The following AATF variants were observed in gnomAD, a reference collection of about 807,000 sequenced individuals.
AATF encodes the protein protein AATF.
AATF carries 48 observed loss-of-function variants against 63.7 expected under a neutral mutation model. The ratio of observed to expected loss-of-function variants is 0.75; its 90% CI spans 0.60 to 0.96. AATF has a LOEUF of 0.96. Among genes scored for constraint, AATF ranks in the 40% least tolerant of loss-of-function variants. The pLI is 0.00. For synonymous variants in AATF, 258 were observed against 247.7 expected, an observed-to-expected ratio of 1.04 and a Z score of -0.39; for missense variants, 639 against 685.7, an observed-to-expected ratio of 0.93 and a Z score of 0.76.
Position 36,953,055 on chromosome 17 carries a change from C to A in AATF, c.453C>A (p.Val151=). 6.2e-7 allele frequency: 1 copy of A among 1,614,016 alleles called. No homozygotes were observed. The highest frequency in any genetic ancestry group is 2.2e-5 in the East Asian group (1 of 44,878). ...CTGCAAAAACACCGGGCTTCAGTGTCCAGAGTATCAGTGACTTTGAGAAAT... is the reference window on the plus strand; with the variant it reads ...CTGCAAAAACACCGGGCTTCAGTGTACAGAGTATCAGTGACTTTGAGAAAT... The part of the protein sequence containing the change: ...SHSAKTPGFS[V]QSISDFEKFT... The change falls in exon 3 of 12, where the codon GTC becomes GTA. Residue 151 remains valine, a synonymous_variant. Transcript: ENST00000619387.
chr17:37,039,291 G>A (rs764635676), intron 11 of AATF, among the ~76,000 whole-genome samples: 7 of 152,134 alleles, frequency 4.6e-5, no homozygotes, highest in South Asian at 2.1e-4. Context: ...CTGAGGCTTC[G>A]TATCTCCTAA....
chr17:37,046,689 G>T (rs982794377), intron 11 of AATF, among the ~76,000 whole-genome samples: 1 of 151,068 alleles, frequency 6.6e-6, no homozygotes, highest in African/African-American at 2.4e-5. Context: ...CCTGCGTGTT[G>T]AAGTTAAGCT....
In AATF at chr17:36,976,569, G is replaced by A. The variant is rs140022494; in HGVS notation, c.833-10048G>A. On this transcript the variant is annotated intron_variant, in intron 4 of 11. Coordinates refer to ENST00000619387, the MANE Select transcript of AATF (RefSeq NM_012138.4). ...TGCACATGTAAAAAGTACATACCAA[G>A]GAAGATATTAGGATGTTATTATTTC... Among the ~76,000 whole-genome samples the A allele has an allele frequency of 2.2e-3, 336 of 152,242 alleles. 2 individuals carry two copies. The highest frequency in any genetic ancestry group is 7.8e-3 in the African/African-American group (324 of 41,536).
chr17:37,005,601 T>C (rs1467365528), intron 8 of AATF, among the ~76,000 whole-genome samples: 2 of 152,180 alleles, frequency 1.3e-5, no homozygotes, highest in Non-Finnish European at 2.9e-5. Flanking sequence ...TTTTTATTCT[T>C]TAAACACAAA....
intron 1 of AATF, among the ~76,000 whole-genome samples, chr17:36,949,999 T>C (rs1329571404): frequency 2.0e-5 from 3 of 152,184 alleles, no homozygotes; most frequent in Non-Finnish European, 4.4e-5. Flanking sequence ...GTCATAGAAA[T>C]AGATCCCACT....
chr17:37,034,469 A>G (rs185128087), intron 11 of AATF, among the ~76,000 whole-genome samples: 2 of 152,296 alleles, frequency 1.3e-5, no homozygotes, highest in African/African-American at 4.8e-5. Flanking sequence ...TTGTTAGAAT[A>G]TCAATATCAC....
intron 4 of AATF, among the ~76,000 whole-genome samples, chr17:36,984,683 TG>T (rs1345473761): frequency 2.6e-5 from 4 of 152,172 alleles, no homozygotes; most frequent in African/African-American, 9.7e-5. Flanking sequence ...TTGCCCAGGC[TG>T]GAGTGTAGTG....
chr17:37,005,913 A>T (rs1001378271), intron 8 of AATF, among the ~76,000 whole-genome samples: 1 of 152,170 alleles, frequency 6.6e-6, no homozygotes, highest in Non-Finnish European at 1.5e-5. Flanking sequence ...AGATTGCTTG[A>T]ACCCAGGAGC....
intron 11 of AATF, among the ~76,000 whole-genome samples, chr17:37,047,237 C>A (rs954110282): frequency 1.3e-5 from 2 of 152,162 alleles, no homozygotes; most frequent in African/African-American, 4.8e-5. Flanking sequence ...AATATTAATG[C>A]GTGGAAGGAG....
chr17:37,014,741 C>T (rs2071416645), intron 8 of AATF, among the ~76,000 whole-genome samples: 1 of 152,120 alleles, frequency 6.6e-6, no homozygotes, highest in African/African-American at 2.4e-5. Context: ...TTCTCCCAGC[C>T]TTTGTTAGTT....
chr17:36,950,092 C>T, intron 1 of AATF, 122 bp from the exon 2 acceptor site: 1 of 1,085,784 alleles, frequency 9.2e-7, no homozygotes, highest in Non-Finnish European at 1.4e-6. Flanking sequence ...TTTCCTATTC[C>T]TGGAAGTTGG....
At position 36,970,541 on chromosome 17, in the gene AATF, C is replaced by CT. The variant is rs773737841; in HGVS notation, c.833-16059dup. ...TGGATAGTTTCTTTCTTTCTTTTTTCTTTTTTTTTTTTTTTTTAAGAGACA... is the reference window on the plus strand; with the variant it reads ...TGGATAGTTTCTTTCTTTCTTTTTTCTTTTTTTTTTTTTTTTTTAAGAGACA... On this transcript the variant is annotated intron_variant, in intron 4 of 11. Coordinates refer to ENST00000619387, the MANE Select transcript of AATF (RefSeq NM_012138.4). Among the ~76,000 whole-genome samples the CT allele has an allele frequency of 3.7e-3, 318 of 86,996 alleles. 1 individual carries two copies. Among genetic ancestry groups the CT allele is most frequent in the East Asian group, 0.022 (73 of 3,252 alleles). 57.1% of individuals were successfully genotyped at this position (86,996 alleles called of 152,430 possible).
intron 4 of AATF, among the ~76,000 whole-genome samples, chr17:36,955,879 C>T (rs899124486): frequency 2.6e-5 from 4 of 152,162 alleles, no homozygotes; most frequent in Admixed American, 6.5e-5. Context: ...CTTCCCGCCT[C>T]AGCCTCCTGA....
At chr17:37,013,712 G>T (rs2071408988) in intron 8 of AATF, among the ~76,000 whole-genome samples, 1 of 152,126 alleles carries the variant, frequency 6.6e-6, no homozygotes, top group Non-Finnish European at 1.5e-5. Flanking sequence ...TTCAGCATGA[G>T]GTTTGGAGGG....
At chr17:36,950,121 C>A in intron 1 of AATF, 93 bp from the exon 2 acceptor site, 1 of 1,377,064 alleles carries the variant, frequency 7.3e-7, no homozygotes. Flanking sequence ...TCGTAAAGGA[C>A]GTTCAACTAT....
intron 3 of AATF, 70 bp downstream of exon 3, chr17:36,953,366 GT>G (rs1441187769): frequency 1.0e-5 from 16 of 1,556,448 alleles, no homozygotes; most frequent in Non-Finnish European, 1.3e-5. Context: ...TCATTTGTTT[GT>G]TTTTGGCTAT....
At chr17:37,037,795 G>T (rs555103626) in intron 11 of AATF, among the ~76,000 whole-genome samples, 2 of 152,190 alleles carry the variant, frequency 1.3e-5, no homozygotes, top group East Asian at 3.8e-4. Flanking sequence ...GGAGGTGATT[G>T]GATCATGGGG....
At chr17:36,964,517 A>G (rs1372528607) in intron 4 of AATF, among the ~76,000 whole-genome samples, 1 of 152,192 alleles carries the variant, frequency 6.6e-6, no homozygotes, top group Non-Finnish European at 1.5e-5. Flanking sequence ...AAACAAAACA[A>G]AACAAAAACC....
intron 4 of AATF, among the ~76,000 whole-genome samples, chr17:36,968,270 CTTTTTTTTTTTT>C (rs3049638): frequency 2.1e-3 from 50 of 23,792 alleles, no homozygotes; most frequent in Middle Eastern, 0.031. Context: ...TTCCTTCTTT[CTTTTTTTTTTTT>C]TTTTTTTTTT....
Sources: allele counts gnomAD v4.1 joint callset (sites outside exome capture counted in the v4.1 genomes callset), GRCh38; gene constraint gnomAD v4.1.1; transcripts MANE v1.5; gene names NCBI Gene and HGNC (gene_info 2026-07-23, HGNC 2026-07-21).